The following GRIN2B variants were observed in gnomAD, a reference collection of about 807,000 sequenced individuals.
GRIN2B encodes glutamate receptor ionotropic, NMDA 2B.
GRIN2B carries 5 observed loss-of-function variants against 114.5 expected under a neutral mutation model. The ratio of observed to expected loss-of-function variants is 0.04; its 90% CI spans 0.02 to 0.09. The LOEUF (loss-of-function observed/expected upper bound fraction) is 0.09, where lower values mean the gene tolerates loss of function less well. GRIN2B is among the 10% of genes least tolerant of loss of function. GRIN2B has a pLI of 1.00. For missense variants in GRIN2B, 1,108 were observed against 1,943.5 expected (o/e 0.57, Z 8.08); for synonymous variants, 787 against 745.1 (o/e 1.06, Z -0.92).
At chr12:13,783,423 C>A (rs961673994) in intron 3 of GRIN2B, among the ~76,000 whole-genome samples, 1 of 7,972 alleles carries the variant, frequency 1.3e-4, no homozygotes, top group Non-Finnish European at 5.3e-4. Flanking sequence ...GAATTGGTAA[C>A]GGAAATAGGT....
At chr12:13,800,283 C>T (rs1864485196) in intron 3 of GRIN2B, among the ~76,000 whole-genome samples, 1 of 152,158 alleles carries the variant, frequency 6.6e-6, no homozygotes, top group South Asian at 2.1e-4. Context: ...TTAGCCTCTA[C>T]TTGCCTTCTC....
intron 3 of GRIN2B, among the ~76,000 whole-genome samples, chr12:13,849,084 C>A (rs1417548516): frequency 6.6e-6 from 1 of 152,076 alleles, no homozygotes; most frequent in East Asian, 1.9e-4. Context: ...TCTTGGAGAA[C>A]AACAGTGATG....
In GRIN2B at chr12:13,737,450, A is replaced by T. The variant is rs546252499; in HGVS notation, c.1010+15867T>A. Among the ~76,000 whole-genome samples, 9 of 152,232 alleles carry T rather than the reference A, an allele frequency of 5.9e-5. No homozygotes were observed. The South Asian group carries it at 1.9e-3, about 32-fold the overall frequency. On this transcript the variant is annotated intron_variant, in intron 4 of 13. Transcript: ENST00000609686. ...ATGGCCTCAATCTCCTGACCTTGTGATCTGCCTGCCTCAGCCTCCCAAAAT... is the reference window on the plus strand; with the variant it reads ...ATGGCCTCAATCTCCTGACCTTGTGTTCTGCCTGCCTCAGCCTCCCAAAAT...
At chr12:13,826,534 T>C (rs1003315833) in intron 3 of GRIN2B, among the ~76,000 whole-genome samples, 12 of 152,164 alleles carry the variant, frequency 7.9e-5, no homozygotes, top group African/African-American at 2.9e-4. Flanking sequence ...ACAGTAAATT[T>C]CACCCCTCCC....
At chr12:13,718,014 T>C (rs921949340) in intron 4 of GRIN2B, among the ~76,000 whole-genome samples, 2 of 152,080 alleles carry the variant, frequency 1.3e-5, no homozygotes, top group African/African-American at 4.8e-5. Context: ...CATGACCTCC[T>C]TTGTCTCTTG....
Position 13,954,811 on chromosome 12 carries a change from G to GAAAAAAAAAAA in GRIN2B, c.-19+25106_-19+25116dup, listed in dbSNP as rs61525874. Among the ~76,000 whole-genome samples the GAAAAAAAAAAA allele has an allele frequency of 1.8e-3, 45 of 25,540 alleles. 3 individuals carry two copies. Among genetic ancestry groups the GAAAAAAAAAAA allele is most frequent in the South Asian group, 6.0e-3 (3 of 496 alleles). 16.8% of individuals were successfully genotyped at this position (25,540 alleles called of 152,430 possible). ...GTGACAGAGTGAGACTCCGTCTCAG[G>GAAAAAAAAAAA]AAAAAAAAAAAAAAAAAACTTTTTC... is the stretch of plus-strand genomic sequence containing the variant. On this transcript the variant is annotated intron_variant, in intron 2 of 13. Coordinates refer to ENST00000609686, the MANE Select transcript of GRIN2B (RefSeq NM_000834.5).
At chr12:13,794,834 G>A (rs1864389763) in intron 3 of GRIN2B, among the ~76,000 whole-genome samples, 1 of 152,210 alleles carries the variant, frequency 6.6e-6, no homozygotes. Flanking sequence ...GGTGATCAGT[G>A]AGTCCAGATG....
intron 4 of GRIN2B, among the ~76,000 whole-genome samples, chr12:13,722,405 C>A (rs1862898861): frequency 6.6e-6 from 1 of 152,026 alleles, no homozygotes. Context: ...AATTCAAGAT[C>A]TTTTGCTTTC....
chr12:13,791,775 C>T (rs1214879678), intron 3 of GRIN2B, among the ~76,000 whole-genome samples: 7 of 152,174 alleles, frequency 4.6e-5, no homozygotes, highest in Admixed American at 4.6e-4. Flanking sequence ...GTGTATCCAT[C>T]ACATTTAATA....
intron 2 of GRIN2B, among the ~76,000 whole-genome samples, chr12:13,892,297 C>T (rs1444295489): frequency 6.6e-6 from 1 of 152,142 alleles, no homozygotes; most frequent in Non-Finnish European, 1.5e-5. Flanking sequence ...GTCCCATCTC[C>T]CAATGGCCGA....
intron 10 of GRIN2B, among the ~76,000 whole-genome samples, chr12:13,602,069 G>A (rs952438251): frequency 7.9e-5 from 12 of 152,286 alleles, no homozygotes; most frequent in South Asian, 2.1e-4. Flanking sequence ...GAGGCTCAGC[G>A]CTTGGGACAG....
chr12:13,892,676 G>A (rs1381016539), intron 2 of GRIN2B, among the ~76,000 whole-genome samples: 1 of 152,140 alleles, frequency 6.6e-6, no homozygotes, highest in Non-Finnish European at 1.5e-5. Flanking sequence ...ACCTCTCCTT[G>A]TAAATACAAA....
At chr12:13,948,860 G>A (rs1372050834) in intron 2 of GRIN2B, among the ~76,000 whole-genome samples, 1 of 152,092 alleles carries the variant, frequency 6.6e-6, no homozygotes, top group Admixed American at 6.5e-5. Flanking sequence ...CACTGGCATT[G>A]TGGTCCCTCT....
In GRIN2B at chr12:13,656,724, A is replaced by T. The variant is rs141590738; in HGVS notation, c.1125+19021T>A. The stretch of plus-strand genomic sequence containing the variant: ...ATCTAAGAAATGAAGTTCTAAAAAT[A>T]AGCTATTCTTATAACTAATGAATAA... On this transcript the variant is annotated intron_variant, in intron 5 of 13. Coordinates refer to ENST00000609686, the MANE Select transcript of GRIN2B (RefSeq NM_000834.5). Among the ~76,000 whole-genome samples, 209 of 152,346 alleles carry T rather than the reference A, an allele frequency of 1.4e-3. 1 individual carries two copies. Among genetic ancestry groups the T allele is most frequent in the African/African-American group, 4.6e-3 (193 of 41,580 alleles).
At chr12:13,808,144 G>A (rs1047296267) in intron 3 of GRIN2B, among the ~76,000 whole-genome samples, 7 of 152,000 alleles carry the variant, frequency 4.6e-5, no homozygotes, top group African/African-American at 1.7e-4. Context: ...TGGGGGTGGG[G>A]GACAATAGCG....
intron 2 of GRIN2B, among the ~76,000 whole-genome samples, chr12:13,869,487 CT>C (rs1288047253): frequency 6.6e-6 from 1 of 151,974 alleles, no homozygotes; most frequent in Non-Finnish European, 1.5e-5. Context: ...CATTTTTGAC[CT>C]GCTAGTCAAA....
At chr12:13,726,513 C>T (rs902423476) in intron 4 of GRIN2B, among the ~76,000 whole-genome samples, 1 of 146,222 alleles carries the variant, frequency 6.8e-6, no homozygotes, top group South Asian at 2.1e-4. Context: ...CCAGCCTGGA[C>T]AAAAGAGCGA....
intron 3 of GRIN2B, among the ~76,000 whole-genome samples, chr12:13,768,080 A>AT (rs1413507578): frequency 4.6e-5 from 7 of 152,208 alleles, no homozygotes; most frequent in African/African-American, 1.7e-4. Context: ...CTAAAAGAGG[A>AT]TTTTCACTTT....
intron 2 of GRIN2B, among the ~76,000 whole-genome samples, chr12:13,930,789 G>C (rs1004515702): frequency 6.6e-6 from 1 of 152,106 alleles, no homozygotes; most frequent in Admixed American, 6.5e-5. Flanking sequence ...AAGTGCAACA[G>C]TGACAACCAC....
Sources: gnomAD v4.1 joint callset for allele counts (sites outside exome capture counted in the v4.1 genomes callset) on GRCh38, gnomAD v4.1.1 for gene constraint, MANE v1.5 for transcripts, NCBI Gene and HGNC (gene_info 2026-07-23, HGNC 2026-07-21) for gene names.